The following THSD7B variants were observed in gnomAD, a reference collection of about 807,000 sequenced individuals.
THSD7B encodes thrombospondin type-1 domain-containing protein 7B.
Under a neutral mutation model 213.6 loss-of-function variants are expected in THSD7B, and 138 were observed. The ratio of observed to expected loss-of-function variants is 0.65; its 90% CI spans 0.56 to 0.74. THSD7B has a LOEUF of 0.74. Ranked by LOEUF, THSD7B falls within the 30% of genes least tolerant of loss-of-function variation. THSD7B has a pLI of 0.00. For missense variants in THSD7B, 1,931 were observed against 1,991.5 expected (o/e 0.97, Z 0.58); for synonymous variants, 742 against 687.0 (o/e 1.08, Z -1.25).
intron 12 of THSD7B, among the ~76,000 whole-genome samples, chr2:137,321,016 G>A (rs947710880): frequency 1.3e-5 from 2 of 152,198 alleles, no homozygotes; most frequent in Admixed American, 6.5e-5. Context: ...TAAGCCACAA[G>A]TTTCTCATCT....
At chr2:137,468,134 C>A (rs1008633958) in intron 15 of THSD7B, among the ~76,000 whole-genome samples, 8 of 152,042 alleles carry the variant, frequency 5.3e-5, no homozygotes, top group Admixed American at 4.6e-4. Flanking sequence ...TTTAGTAATG[C>A]TTGTAACAAT....
At position 137,007,110 on chromosome 2, in the gene THSD7B, G is replaced by A. The variant is rs180891692; in HGVS notation, c.140-49310G>A. ...GGGTAACTAAAAACTTTACCATGTG[G>A]CATCGTTGCATATGACTAATAGTGA... On this transcript the variant is annotated intron_variant, in intron 2 of 27. Transcript: ENST00000409968. Among the ~76,000 whole-genome samples, 123 of 152,206 alleles carry A rather than the reference G, an allele frequency of 8.1e-4. 2 individuals carry two copies. The highest frequency in any genetic ancestry group is 2.9e-3 in the African/African-American group (122 of 41,522).
chr2:137,557,167 G>A (rs1680990161), intron 15 of THSD7B, among the ~76,000 whole-genome samples: 1 of 152,132 alleles, frequency 6.6e-6, no homozygotes, highest in Non-Finnish European at 1.5e-5. Flanking sequence ...TCCAGGAATT[G>A]AACTCAGCTC....
intron 17 of THSD7B, among the ~76,000 whole-genome samples, chr2:137,598,585 T>G (rs777580229): frequency 1.3e-4 from 20 of 152,188 alleles, no homozygotes; most frequent in Admixed American, 6.5e-4. Flanking sequence ...TGCATTCACT[T>G]TAGTTTAAGG....
intron 12 of THSD7B, among the ~76,000 whole-genome samples, chr2:137,388,553 A>G (rs771979773): frequency 5.3e-5 from 8 of 152,100 alleles, no homozygotes; most frequent in Non-Finnish European, 1.0e-4. Flanking sequence ...ATTTTGCAAT[A>G]TAGAAAACAT....
intron 2 of THSD7B, among the ~76,000 whole-genome samples, chr2:137,040,100 A>G (rs1394273955): frequency 2.6e-5 from 4 of 152,214 alleles, no homozygotes; most frequent in Non-Finnish European, 4.4e-5. Context: ...CACTGTGAGC[A>G]ATGCCCTGCA....
chr2:136,974,851 AC>A (rs1685454829), intron 2 of THSD7B, among the ~76,000 whole-genome samples: 1 of 152,026 alleles, frequency 6.6e-6, no homozygotes, highest in Non-Finnish European at 1.5e-5. Context: ...CTTCAGGTTT[AC>A]CAGCATTTGT....
intron 2 of THSD7B, among the ~76,000 whole-genome samples, chr2:136,942,083 G>C (rs141605842): frequency 0.013 from 2,022 of 152,244 alleles, 32 homozygotes; most frequent in East Asian, 0.074. Context: ...AGTTTTCCTA[G>C]CACCATTTAT....
Position 137,160,237 on chromosome 2 carries a change from T to C in THSD7B, c.1394T>C (p.Leu465Ser). Residue 465 changes from leucine (L) to serine (S), a missense_variant, in exon 6 of 28, where the codon TTA becomes TCA. Transcript: ENST00000409968. The stretch of plus-strand genomic sequence containing the variant: ...GTCTCTAGACCTGTGGAAAAGGCAT[T>C]ATGTGTGGGACCCGCCCCGTTGCCC... The part of the protein sequence containing the change: ...KEVSRPVEKA[L>S]CVGPAPLPSQ... The C allele has an allele frequency of 6.2e-7, 1 of 1,613,502 alleles. No individual in the cohort carries two copies. The highest frequency in any genetic ancestry group is 8.5e-7 in the Non-Finnish European group (1 of 1,179,592).
chr2:137,613,711 C>G (rs1364889950), intron 17 of THSD7B, among the ~76,000 whole-genome samples: 2 of 152,092 alleles, frequency 1.3e-5, no homozygotes, highest in African/African-American at 4.8e-5. Context: ...TATAATTACT[C>G]TAGTGAAGAG....
At position 137,233,116 on chromosome 2, in the gene THSD7B, A is replaced by G; in HGVS notation, c.2133A>G (p.Gly711=). 6.2e-7 allele frequency: 1 copy of G among 1,613,402 alleles called. No homozygotes were observed. The highest frequency in any genetic ancestry group is 8.5e-7 in the Non-Finnish European group (1 of 1,179,582). ...RRVFCVKSHV[G]QVMTKRCPDS... The stretch of plus-strand genomic sequence containing the variant: ...TCTTCTGTGTCAAGAGTCACGTGGG[A>G]CAAGTAATGACCAAAAGGTATTTAT... Residue 711 remains glycine, a synonymous_variant, in exon 9 of 28, where the codon GGA becomes GGG. Transcript: ENST00000409968.
chr2:137,028,485 A>G lies in THSD7B; in HGVS notation c.140-27935A>G, dbSNP rs189595499. Among the ~76,000 whole-genome samples, 567 of 152,340 alleles carry G rather than the reference A, an allele frequency of 3.7e-3. 4 individuals are homozygous for G. Among genetic ancestry groups the G allele is most frequent in the South Asian group, 0.016 (76 of 4,830 alleles). On this transcript the variant is annotated intron_variant, in intron 2 of 27. Coordinates refer to ENST00000409968, the MANE Select transcript of THSD7B (RefSeq NM_001316349.2). ...ATGTAGATATTACATTATCTTTGCCATACTATAGGCAACACATTTAGGAAA... is the reference window on the plus strand; with the variant it reads ...ATGTAGATATTACATTATCTTTGCCGTACTATAGGCAACACATTTAGGAAA...
At chr2:137,417,663 G>A (rs1226602725) in intron 14 of THSD7B, among the ~76,000 whole-genome samples, 2 of 151,946 alleles carry the variant, frequency 1.3e-5, no homozygotes, top group East Asian at 3.9e-4. Context: ...AAACTCTTGG[G>A]CTCAAGCGAT....
intron 3 of THSD7B, among the ~76,000 whole-genome samples, chr2:137,065,255 T>G (rs1687354745): frequency 6.6e-6 from 1 of 152,016 alleles, no homozygotes; most frequent in Non-Finnish European, 1.5e-5. Context: ...TCCTATGTAT[T>G]TTATTTTATT....
chr2:137,219,714 T>A lies in THSD7B; in HGVS notation c.1724-11330T>A, dbSNP rs552360969. The stretch of plus-strand genomic sequence containing the variant: ...TAAGTAGACTAAACATCTTTCCCTT[T>A]ACTTCTCATTTACTTCTTCATCCAA... On this transcript the variant is annotated intron_variant, in intron 7 of 27. Transcript: ENST00000409968. Among the ~76,000 whole-genome samples, 9 of 152,322 alleles carry A rather than the reference T, an allele frequency of 5.9e-5. No individual in the cohort carries two copies. In the South Asian group the frequency reaches 1.9e-3, roughly 32 times the overall value.
chr2:137,127,585 A>G (rs981643285), intron 5 of THSD7B, among the ~76,000 whole-genome samples: 6 of 152,160 alleles, frequency 3.9e-5, no homozygotes, highest in African/African-American at 1.4e-4. Flanking sequence ...TCAATTTGTT[A>G]CTTTTAATAG....
chr2:137,134,406 C>T (rs996050907), intron 5 of THSD7B, among the ~76,000 whole-genome samples: 19 of 152,104 alleles, frequency 1.2e-4, no homozygotes, highest in Non-Finnish European at 1.9e-4. Context: ...ACAGAGCCTT[C>T]GAGAATTAAG....
chr2:137,270,508 C>T (rs560817460), intron 10 of THSD7B, among the ~76,000 whole-genome samples: 13 of 152,222 alleles, frequency 8.5e-5, no homozygotes, highest in Admixed American at 8.5e-4. Flanking sequence ...TTCTCAGAAA[C>T]AAAAGGAGAG....
At chr2:137,418,906 T>C (rs942113660) in intron 14 of THSD7B, among the ~76,000 whole-genome samples, 16 of 118,648 alleles carry the variant, frequency 1.3e-4, no homozygotes, top group African/African-American at 4.6e-4. Context: ...ATTGTGTATA[T>C]GTCTCACTTT....
Sources: allele counts gnomAD v4.1 joint callset (sites outside exome capture counted in the v4.1 genomes callset), GRCh38; gene constraint gnomAD v4.1.1; transcripts MANE v1.5; gene names NCBI Gene and HGNC (gene_info 2026-07-23, HGNC 2026-07-21).